Variants in GRID1 observed in about 807,000 individuals in gnomAD.
The protein encoded by GRID1 is glutamate ionotropic receptor delta type subunit 1, also known as glutamate receptor ionotropic, delta-1.
Under a neutral mutation model 98.0 loss-of-function variants are expected in GRID1, and 28 were observed. That is an observed-to-expected ratio of 0.29 (90% CI 0.21 to 0.39). GRID1 has a LOEUF of 0.39. Ranked by LOEUF, GRID1 falls within the 10% of genes least tolerant of loss-of-function variation. The pLI is 1.00. For synonymous variants in GRID1, 553 were observed against 538.5 expected, an observed-to-expected ratio of 1.03 and a Z score of -0.37; for missense variants, 1,111 against 1,340.5, an observed-to-expected ratio of 0.83 and a Z score of 2.67.
chr10:86,133,579 G>A (rs1439368695), intron 4 of GRID1, among the ~76,000 whole-genome samples: 2 of 152,232 alleles, frequency 1.3e-5, no homozygotes, highest in East Asian at 1.9e-4. Flanking sequence ...CCTTGCTGAT[G>A]TGCTGGCCTA....
At chr10:85,986,126 C>T (rs1842605546) in intron 4 of GRID1, among the ~76,000 whole-genome samples, 1 of 152,252 alleles carries the variant, frequency 6.6e-6, no homozygotes, top group African/African-American at 2.4e-5. Flanking sequence ...GGAAGTTCTG[C>T]ATGCCTCCCA....
At chr10:86,174,013 T>C (rs1309947494) in intron 3 of GRID1, among the ~76,000 whole-genome samples, 4 of 152,148 alleles carry the variant, frequency 2.6e-5, no homozygotes, top group South Asian at 2.1e-4. Flanking sequence ...TCTTTGCTAT[T>C]GTGAATAGTG....
rs1842772059 is a variant in GRID1, at chr10:85,821,539, A to AACAAAC, written c.1233+32956_1233+32957insGTTTGT. On this transcript the variant is annotated intron_variant, in intron 8 of 15. Transcript: ENST00000327946. Reference sequence around the variant, plus strand: ...CTCAAAAAAAAAAAAAAAAAAAAAAAAAAAAAGAAAACAGATCAATAGTTG... The same window carrying AACAAAC: ...CTCAAAAAAAAAAAAAAAAAAAAAAAACAAACAAAAAAGAAAACAGATCAATAGTTG... 2.0e-5 allele frequency among the ~76,000 whole-genome samples: 2 copies of AACAAAC among 97,594 alleles called. 1 individual carries two copies. Among genetic ancestry groups the AACAAAC allele is most frequent in the Non-Finnish European group, 4.4e-5 (2 of 45,690 alleles). 64.0% of individuals were successfully genotyped at this position (97,594 alleles called of 152,430 possible).
intron 2 of GRID1, among the ~76,000 whole-genome samples, chr10:86,299,472 A>G (rs1032588441): frequency 1.3e-5 from 2 of 151,098 alleles, no homozygotes; most frequent in African/African-American, 4.9e-5. Flanking sequence ...TCCTAATGCT[A>G]TCCCTCCCCC....
chr10:85,719,564 T>A (rs1421530403), intron 12 of GRID1, among the ~76,000 whole-genome samples: 1 of 152,138 alleles, frequency 6.6e-6, no homozygotes, highest in African/African-American at 2.4e-5. Context: ...AAACCCCTGA[T>A]AAACCCACAT....
chr10:86,194,885 T>C (rs1398472845), intron 3 of GRID1, among the ~76,000 whole-genome samples: 1 of 152,028 alleles, frequency 6.6e-6, no homozygotes. Context: ...TCACACCCCT[T>C]GTCCCACTTA....
intron 2 of GRID1, among the ~76,000 whole-genome samples, chr10:86,309,383 C>A (rs983669045): frequency 2.6e-5 from 4 of 152,174 alleles, no homozygotes; most frequent in African/African-American, 4.8e-5. Context: ...CTTGTCAGAA[C>A]TACCCTGGAA....
chr10:85,674,019 T>C (rs1841116855), intron 12 of GRID1, among the ~76,000 whole-genome samples: 1 of 152,228 alleles, frequency 6.6e-6, no homozygotes, highest in Non-Finnish European at 1.5e-5. Context: ...TGGATCCATT[T>C]TTTTAACCTT....
chr10:85,810,420 A>G (rs1842660781), intron 8 of GRID1, among the ~76,000 whole-genome samples: 1 of 152,200 alleles, frequency 6.6e-6, no homozygotes, highest in Non-Finnish European at 1.5e-5. Flanking sequence ...TAAACAGTCC[A>G]GCAGACCTGA....
chr10:85,703,253 T>A (rs956656834), intron 12 of GRID1, among the ~76,000 whole-genome samples: 3 of 152,102 alleles, frequency 2.0e-5, no homozygotes, highest in Non-Finnish European at 4.4e-5. Context: ...ACTTATTATA[T>A]TGCTCAAAAA....
chr10:86,229,296 C>A (rs72841778), intron 2 of GRID1, among the ~76,000 whole-genome samples: 43,020 of 151,848 alleles, frequency 0.28, 6,903 homozygotes, highest in Non-Finnish European at 0.38. Flanking sequence ...AAGGCACCTG[C>A]TGGGGCCTGA....
intron 8 of GRID1, among the ~76,000 whole-genome samples, chr10:85,835,874 G>A (rs1842907915): frequency 6.6e-6 from 1 of 151,936 alleles, no homozygotes; most frequent in Admixed American, 6.6e-5. Context: ...TTCAATAAGA[G>A]AAAAACAAAA....
intron 8 of GRID1, among the ~76,000 whole-genome samples, chr10:85,774,124 G>C (rs536719003): frequency 6.6e-6 from 1 of 152,160 alleles, no homozygotes; most frequent in African/African-American, 2.4e-5. Context: ...TACCAAAACA[G>C]AGATAGCGAT....
intron 3 of GRID1, among the ~76,000 whole-genome samples, chr10:86,141,172 C>A (rs1014099651): frequency 6.6e-6 from 1 of 152,146 alleles, no homozygotes; most frequent in African/African-American, 2.4e-5. Flanking sequence ...AGGTAGCCAA[C>A]TGAGGACAAT....
intron 14 of GRID1, among the ~76,000 whole-genome samples, chr10:85,614,950 C>T (rs1469754237): frequency 1.3e-5 from 2 of 152,160 alleles, no homozygotes; most frequent in East Asian, 1.9e-4. Context: ...AAGCCTGATC[C>T]ATGGTGATAT....
At chr10:86,362,284 C>A (rs1441677829) in intron 2 of GRID1, among the ~76,000 whole-genome samples, 3 of 152,210 alleles carry the variant, frequency 2.0e-5, no homozygotes, top group Non-Finnish European at 2.9e-5. Context: ...GCTAAGAAGG[C>A]CCTGCCCTCC....
intron 5 of GRID1, among the ~76,000 whole-genome samples, chr10:85,895,179 C>A (rs1841273239): frequency 6.6e-6 from 1 of 151,642 alleles, no homozygotes; most frequent in Admixed American, 6.6e-5. Flanking sequence ...CTCCTGTTAG[C>A]CCCACCTTTG....
intron 3 of GRID1, among the ~76,000 whole-genome samples, chr10:86,160,807 G>A (rs1845310994): frequency 6.6e-6 from 1 of 152,210 alleles, no homozygotes; most frequent in Admixed American, 6.5e-5. Flanking sequence ...CTTGCTCAGG[G>A]TCACACAGGG....
chr10:85,634,999 A>G (rs933071505), intron 13 of GRID1, among the ~76,000 whole-genome samples: 8 of 26,380 alleles, frequency 3.0e-4, no homozygotes, highest in Non-Finnish European at 4.3e-4. Flanking sequence ...AGGAAATCTG[A>G]AAAAAAAAAA....
Sources: allele counts gnomAD v4.1 joint callset (sites outside exome capture counted in the v4.1 genomes callset), GRCh38; gene constraint gnomAD v4.1.1; transcripts MANE v1.5; gene names NCBI Gene and HGNC (gene_info 2026-07-23, HGNC 2026-07-21).